CACNB2: variants seen among roughly 807,000 people sequenced by gnomAD.
CACNB2 encodes voltage-dependent L-type calcium channel subunit beta-2.
Under a neutral mutation model 73.3 loss-of-function variants are expected in CACNB2, and 42 were observed. That is an observed-to-expected ratio of 0.57 (90% confidence interval 0.45 to 0.74). CACNB2 has a LOEUF of 0.74. Ranked by LOEUF, CACNB2 falls within the 30% of genes least tolerant of loss-of-function variation. CACNB2 has a pLI of 0.00. For synonymous variants in CACNB2, 348 were observed against 310.3 expected (o/e 1.12, Z -1.28); for missense variants, 940 against 853.0 (o/e 1.10, Z -1.27).
intron 2 of CACNB2, among the ~76,000 whole-genome samples, chr10:18,220,146 TATATATATACAC>T (rs1167356803): frequency 8.1e-5 from 3 of 37,150 alleles, no homozygotes; most frequent in African/African-American, 7.1e-4. Context: ...TATATATATA[TATATATATACAC>T]ACACACACAC....
intron 3 of CACNB2, among the ~76,000 whole-genome samples, chr10:18,494,925 A>G (rs1055905586): frequency 3.3e-5 from 5 of 152,134 alleles, no homozygotes; most frequent in African/African-American, 7.2e-5. Context: ...AATAAAATGT[A>G]AAAACTTTAA....
chr10:18,278,824 TG>T (rs2038412053), intron 2 of CACNB2, among the ~76,000 whole-genome samples: 1 of 152,056 alleles, frequency 6.6e-6, no homozygotes, highest in Non-Finnish European at 1.5e-5. Flanking sequence ...GAGACCAGCC[TG>T]GGGAACATGA....
At chr10:18,430,163 T>C (rs1197506829) in intron 3 of CACNB2, among the ~76,000 whole-genome samples, 2 of 149,980 alleles carry the variant, frequency 1.3e-5, no homozygotes, top group Non-Finnish European at 1.5e-5. Flanking sequence ...TTACCTAAAA[T>C]ACTAGGGAAG....
chr10:18,419,765 A>T (rs2045216821), intron 3 of CACNB2, among the ~76,000 whole-genome samples: 1 of 152,230 alleles, frequency 6.6e-6, no homozygotes, highest in African/African-American at 2.4e-5. Context: ...TCCCTATCTT[A>T]AATGGAATGC....
In CACNB2 at chr10:18,340,778, T is replaced by C. The variant is rs186962230; in HGVS notation, c.214-61146T>C. 586 of 1,572,760 alleles carry C rather than the reference T, an allele frequency of 3.7e-4. 1 individual carries two copies. The East Asian group carries it at 0.012, about 31-fold the overall frequency. ...TTTAGAAAGTCACACTAACTAAGAC[T>C]ACACACCCCAAGCCAGCAAGAAAAA... is the stretch of plus-strand genomic sequence containing the variant. On this transcript the variant is annotated intron_variant, in intron 2 of 13. Coordinates refer to ENST00000324631, the MANE Select transcript of CACNB2 (RefSeq NM_201596.3).
chr10:18,373,778 A>C (rs2042683419), intron 2 of CACNB2, among the ~76,000 whole-genome samples: 1 of 152,198 alleles, frequency 6.6e-6, no homozygotes, highest in Non-Finnish European at 1.5e-5. Context: ...TGCAGTTGCT[A>C]TGTGATTTGC....
chr10:18,332,936 A>C (rs1270512921), intron 2 of CACNB2, among the ~76,000 whole-genome samples: 1 of 152,200 alleles, frequency 6.6e-6, no homozygotes, highest in Non-Finnish European at 1.5e-5. Flanking sequence ...AAAAAATTGC[A>C]AGCTATGATT....
In CACNB2 at chr10:18,140,662, C is replaced by A; in HGVS notation, c.-75C>A. On this transcript the variant is annotated 5_prime_UTR_variant, in exon 1 of 14. Coordinates refer to ENST00000324631, the MANE Select transcript of CACNB2 (RefSeq NM_201596.3). The stretch of plus-strand genomic sequence containing the variant: ...GCGGCCCCCAGAGCCGATCAGAGCG[C>A]GGGGAGGCGGGGGCGAGGAGGAGGG... The A allele has an allele frequency of 7.5e-7, 1 of 1,326,856 alleles. No homozygotes were observed. The highest frequency in any genetic ancestry group is 1.1e-6 in the Non-Finnish European group (1 of 944,050). 82.2% of individuals were successfully genotyped at this position (1,326,856 alleles called of 1,614,324 possible).
chr10:18,393,242 T>C (rs1227689402), intron 2 of CACNB2, among the ~76,000 whole-genome samples: 1 of 151,736 alleles, frequency 6.6e-6, no homozygotes, highest in Non-Finnish European at 1.5e-5. Context: ...AGTAGATATA[T>C]ATTAAAGGCC....
intron 2 of CACNB2, among the ~76,000 whole-genome samples, chr10:18,313,369 T>G (rs911373168): frequency 6.6e-5 from 10 of 150,826 alleles, no homozygotes; most frequent in African/African-American, 2.4e-4. Flanking sequence ...GGCCCCTACG[T>G]ACTAGACGCC....
intron 3 of CACNB2, among the ~76,000 whole-genome samples, chr10:18,433,880 TTGTTGTTGTTGTTG>T (rs1405910482): frequency 1.0e-5 from 1 of 98,376 alleles, no homozygotes; most frequent in Non-Finnish European, 2.5e-5. Context: ...GATTTTGTTG[TTGTTGTTGTTGTTG>T]TTGTTGTTGT....
At chr10:18,162,271 A>G (rs112432160) in intron 2 of CACNB2, among the ~76,000 whole-genome samples, 1 of 152,228 alleles carries the variant, frequency 6.6e-6, no homozygotes, top group Non-Finnish European at 1.5e-5. Flanking sequence ...AGCATGAGAA[A>G]TAAAGAGCCT....
intron 2 of CACNB2, among the ~76,000 whole-genome samples, chr10:18,192,956 G>A (rs896879652): frequency 3.3e-5 from 5 of 152,132 alleles, no homozygotes; most frequent in African/African-American, 1.2e-4. Context: ...GAACATTTAT[G>A]TATCTGTACT....
chr10:18,319,981 G>A (rs1393205465), intron 2 of CACNB2, among the ~76,000 whole-genome samples: 1 of 152,114 alleles, frequency 6.6e-6, no homozygotes, highest in African/African-American at 2.4e-5. Context: ...GACAGACCGG[G>A]AGGGACAGAT....
chr10:18,349,070 T>G (rs1332472297), intron 2 of CACNB2, among the ~76,000 whole-genome samples: 1 of 152,166 alleles, frequency 6.6e-6, no homozygotes, highest in African/African-American at 2.4e-5. Flanking sequence ...CAGTGAGCTG[T>G]GATCGTGCTT....
intron 3 of CACNB2, among the ~76,000 whole-genome samples, chr10:18,422,816 A>G (rs564211538): frequency 6.1e-4 from 93 of 152,274 alleles, no homozygotes; most frequent in African/African-American, 2.2e-3. Flanking sequence ...CCCCTGCTTC[A>G]GCCTCCCAAG....
intron 2 of CACNB2, among the ~76,000 whole-genome samples, chr10:18,263,927 T>C (rs912686457): frequency 6.6e-6 from 1 of 152,260 alleles, no homozygotes; most frequent in African/African-American, 2.4e-5. Flanking sequence ...TTCTTTTGTT[T>C]ACTCCTAACC....
intron 2 of CACNB2, among the ~76,000 whole-genome samples, chr10:18,182,324 C>CA (rs898233502): frequency 2.0e-5 from 3 of 150,082 alleles, no homozygotes; most frequent in Non-Finnish European, 3.0e-5. Context: ...GACTCCACCT[C>CA]AAAAAAAAAT....
At chr10:18,404,558 C>T (rs960720386) in intron 3 of CACNB2, among the ~76,000 whole-genome samples, 5 of 152,150 alleles carry the variant, frequency 3.3e-5, no homozygotes, top group Non-Finnish European at 5.9e-5. Flanking sequence ...ACATTTACTT[C>T]GTAACCATCG....
Sources: gnomAD v4.1 joint callset for allele counts (sites outside exome capture counted in the v4.1 genomes callset) on GRCh38, gnomAD v4.1.1 for gene constraint, MANE v1.5 for transcripts, NCBI Gene and HGNC (gene_info 2026-07-23, HGNC 2026-07-21) for gene names.